Variants in CABIN1 observed in about 807,000 individuals in gnomAD.
CABIN1 encodes the protein calcineurin-binding protein cabin-1.
A neutral mutation model predicts 227.7 loss-of-function variants in CABIN1; 133 were observed. The ratio of observed to expected loss-of-function variants is 0.58; its 90% CI spans 0.51 to 0.67. CABIN1 has a LOEUF of 0.67. Among genes scored for constraint, CABIN1 ranks in the 30% least tolerant of loss-of-function variants. The pLI is 0.00. For missense variants in CABIN1, 2,408 were observed against 2,852.5 expected, an observed-to-expected ratio of 0.84 and a Z score of 3.55; for synonymous variants, 1,086 against 1,155.1, an observed-to-expected ratio of 0.94 and a Z score of 1.21.
At chr22:24,066,722 C>A (rs1391009076) in intron 15 of CABIN1, among the ~76,000 whole-genome samples, 1 of 152,246 alleles carries the variant, frequency 6.6e-6, no homozygotes, top group Non-Finnish European at 1.5e-5. Flanking sequence ...TTTCCTGGAA[C>A]TCCTCTGCTT....
intron 16 of CABIN1, among the ~76,000 whole-genome samples, chr22:24,067,928 G>A (rs6004053): frequency 2.0e-5 from 3 of 152,260 alleles, no homozygotes; most frequent in Admixed American, 6.5e-5. Context: ...AAACATGGAA[G>A]ATAATACGCA....
chr22:24,163,431 G>A (rs879888744), intron 29 of CABIN1, among the ~76,000 whole-genome samples: 36 of 152,292 alleles, frequency 2.4e-4, no homozygotes, highest in Admixed American at 2.3e-3. Flanking sequence ...AGTGGTCCCT[G>A]TAGCTGGGGG....
At chr22:24,085,231 C>T (rs193129144) in intron 22 of CABIN1, 80 bp downstream of exon 22, 1 of 1,478,430 alleles carries the variant, frequency 6.8e-7, no homozygotes, top group African/African-American at 1.4e-5. Flanking sequence ...TTCAGTGGGC[C>T]ACTTTGGGGT....
rs764070804 is a variant in CABIN1 at position 24,167,113 on chromosome 22, A to T, written c.5482A>T (p.Thr1828Ser). The T allele has an allele frequency of 6.5e-7, 1 of 1,549,138 alleles. No homozygotes were observed. Among genetic ancestry groups the T allele is most frequent in the Non-Finnish European group, 8.7e-7 (1 of 1,148,480 alleles). The change falls in exon 32 of 37, where the codon ACA becomes TCA. Residue 1828 changes from threonine to serine, a missense_variant. Coordinates refer to ENST00000263119, the MANE Select transcript of CABIN1 (RefSeq NM_012295.4). ...CCCCGCCCCCGCCCCCGCCACCACC[A>T]CAGGGACCAGGGCAGGGGGCCACCC... The part of the protein sequence containing the change: ...PAPAPAPATT[T>S]GTRAGGHPEE...
chr22:24,098,379 C>A, intron 26 of CABIN1, 187 bp downstream of exon 26: 1 of 1,304,958 alleles, frequency 7.7e-7, no homozygotes, highest in South Asian at 1.4e-5. Flanking sequence ...CCGAGACATG[C>A]TCAGGGTCGC....
chr22:24,141,689 C>T (rs2044770089), intron 29 of CABIN1, among the ~76,000 whole-genome samples: 2 of 152,070 alleles, frequency 1.3e-5, no homozygotes, highest in Admixed American at 1.3e-4. Context: ...GTGTGTGTCT[C>T]CCATGTGAGT....
chr22:24,092,121 G>C (rs969805277), intron 24 of CABIN1: 4 of 504,944 alleles, frequency 7.9e-6, no homozygotes, highest in Non-Finnish European at 1.4e-5. Flanking sequence ...ACCTGACCTT[G>C]GTGATGACAG....
At position 24,164,575 on chromosome 22, in the gene CABIN1, C is replaced by T. The variant is rs969460966; in HGVS notation, c.4910+12C>T. 2.5e-6 allele frequency: 4 copies of T among 1,601,888 alleles called. No homozygotes were observed. The highest frequency in any genetic ancestry group is 1.1e-5 in the South Asian group (1 of 90,998). ...CCAGACCAGGGCAAGTGAGTGCAGC[C>T]ACCCTGGACACAGCCTGGCATGCTG... On this transcript the variant is annotated intron_variant, in intron 30 of 36. Coordinates refer to ENST00000263119, the MANE Select transcript of CABIN1 (RefSeq NM_012295.4).
chr22:24,143,686 G>T (rs566276904), intron 29 of CABIN1, among the ~76,000 whole-genome samples: 7 of 152,272 alleles, frequency 4.6e-5, no homozygotes, highest in African/African-American at 1.7e-4. Flanking sequence ...ACTTATTGGG[G>T]GCTTGATCGG....
chr22:24,140,001 C>T (rs1482100943), intron 29 of CABIN1, among the ~76,000 whole-genome samples: 1 of 152,202 alleles, frequency 6.6e-6, no homozygotes, highest in Non-Finnish European at 1.5e-5. Context: ...TAACGTGCTA[C>T]AGGGCATGTA....
intron 26 of CABIN1, among the ~76,000 whole-genome samples, chr22:24,105,948 T>G (rs944012130): frequency 2.6e-5 from 4 of 152,182 alleles, no homozygotes; most frequent in African/African-American, 9.7e-5. Context: ...CAAAGTTGCA[T>G]GTCAGCCCAT....
chr22:24,013,386 A>T (rs919176438), intron 1 of CABIN1, among the ~76,000 whole-genome samples: 1 of 151,264 alleles, frequency 6.6e-6, no homozygotes, highest in African/African-American at 2.4e-5. Flanking sequence ...TTTAGTAGAG[A>T]CGGAGTTTCA....
At chr22:24,042,798 A>G (rs1228741049) in intron 5 of CABIN1, 106 bp from the exon 6 acceptor site, 5 of 1,073,252 alleles carry the variant, frequency 4.7e-6, no homozygotes, top group South Asian at 1.3e-5. Flanking sequence ...CCCGGGGTGC[A>G]TATTCAAGGA....
rs1179515088 is a variant in CABIN1, at chr22:24,076,215, C to A, written c.2679C>A (p.Asn893Lys). Residue 893 changes from asparagine (N) to lysine (K), a missense_variant, in exon 19 of 37, where the codon AAC becomes AAA. Asn to Lys is a moderately conservative substitution (Grantham distance 94). Around this residue, in one of 3 missense-constraint regions of CABIN1, gnomAD observed 1,045 missense variants for 1,168.4 expected, o/e 0.89. Transcript: ENST00000263119. ...TCCCATCCTCCCTCATGCTGCTGAA[C>A]ACAGCCCACGAGTATTTGGGCAGAA... Reference protein sequence around the residue: ...PMLPSSLMLLNTAHEYLGRRS... With the variant: ...PMLPSSLMLLKTAHEYLGRRS... 1 of 1,614,184 alleles carries A rather than the reference C, an allele frequency of 6.2e-7. No individual in the cohort carries two copies. Among genetic ancestry groups the A allele is most frequent in the Non-Finnish European group, 8.5e-7 (1 of 1,180,038 alleles).
At chr22:24,047,794 A>G (rs2038013863) in intron 6 of CABIN1, among the ~76,000 whole-genome samples, 1 of 152,094 alleles carries the variant, frequency 6.6e-6, no homozygotes, top group Non-Finnish European at 1.5e-5. Context: ...TTCATTTTCT[A>G]GTTATTCTTG....
intron 29 of CABIN1, among the ~76,000 whole-genome samples, chr22:24,148,729 A>T (rs1050477045): frequency 6.6e-6 from 1 of 152,224 alleles, no homozygotes; most frequent in Non-Finnish European, 1.5e-5. Context: ...TGGAAAACAG[A>T]TGAAAGGGCA....
chr22:24,015,107 T>C (rs2035147629), intron 1 of CABIN1, among the ~76,000 whole-genome samples: 1 of 151,234 alleles, frequency 6.6e-6, no homozygotes, highest in Non-Finnish European at 1.5e-5. Flanking sequence ...CTACTAAAAA[T>C]ACAAAAAAAT....
In CABIN1 at chr22:24,091,776, A is replaced by T. The variant is rs1386037789; in HGVS notation, c.3719A>T (p.Glu1240Val). The T allele has an allele frequency of 6.2e-7, 1 of 1,613,762 alleles. No homozygotes were observed. The highest frequency in any genetic ancestry group is 1.7e-5 in the Admixed American group (1 of 60,000). ...YRQAGHYLHE[E>V]AARYPKKIHY... Reference sequence around the variant, plus strand: ...CAGGCTGGCCACTACCTGCACGAGGAGGCTGCCCGCTACCCCAAGAAGATC... The same window carrying T: ...CAGGCTGGCCACTACCTGCACGAGGTGGCTGCCCGCTACCCCAAGAAGATC... Residue 1240 changes from glutamate to valine, a missense_variant, in exon 24 of 37, where the codon GAG becomes GTG. Physicochemically the swap from Glu to Val is moderately radical, Grantham distance 121. Transcript: ENST00000263119.
rs911832646 is a variant in CABIN1 at position 24,129,834 on chromosome 22, G to A, written c.4633-4468G>A. On this transcript the variant is annotated intron_variant, in intron 28 of 36. Transcript: ENST00000263119. ...CAAGGTGGGAACAAGTGTGGCTGGA[G>A]GGCTGTTCACAAAGAGGGGTTGGAG... Among the ~76,000 whole-genome samples the A allele has an allele frequency of 2.0e-5, 3 of 152,338 alleles. No homozygotes were observed. In the East Asian group the frequency reaches 5.8e-4, roughly 29 times the overall value.
Sources: gnomAD v4.1 joint callset for allele counts (sites outside exome capture counted in the v4.1 genomes callset) on GRCh38, gnomAD v4.1.1 for gene constraint, gnomAD v4.1.1 regional missense constraint, MANE v1.5 for transcripts, NCBI Gene and HGNC (gene_info 2026-07-23, HGNC 2026-07-21) for gene names.